The following FGGY variants were observed in gnomAD, a reference collection of about 807,000 sequenced individuals.
The protein encoded by FGGY is FGGY carbohydrate kinase domain-containing protein.
A neutral mutation model predicts 71.3 loss-of-function variants in FGGY; 72 were observed. That is an observed-to-expected ratio of 1.01 (90% CI 0.84 to 1.23). The LOEUF (loss-of-function observed/expected upper bound fraction) is 1.23, where lower values mean the gene tolerates loss of function less well. Ranked by LOEUF, FGGY falls within the 50% of genes most tolerant of loss-of-function variation. The probability of loss-of-function intolerance (pLI) is 0.00; values close to 1 mark genes in which losing one functional copy is unlikely to be tolerated. For synonymous variants in FGGY, 251 were observed against 250.3 expected, an observed-to-expected ratio of 1.00 and a Z score of -0.02; for missense variants, 668 against 682.3, an observed-to-expected ratio of 0.98 and a Z score of 0.23.
At chr1:59,327,509 A>G (rs2047659566) in intron 2 of FGGY, among the ~76,000 whole-genome samples, 1 of 152,110 alleles carries the variant, frequency 6.6e-6, no homozygotes, top group Non-Finnish European at 1.5e-5. Flanking sequence ...AACTTCCTCC[A>G]CTTAAGTCTT....
chr1:59,626,182 C>A, intron 10 of FGGY, 133 bp downstream of exon 10: 1 of 647,970 alleles, frequency 1.5e-6, no homozygotes, highest in Non-Finnish European at 2.7e-6. Flanking sequence ...AGATAGTCAC[C>A]TGGATGATCC....
At chr1:59,563,404 A>G (rs908198155) in intron 8 of FGGY, among the ~76,000 whole-genome samples, 22 of 152,168 alleles carry the variant, frequency 1.4e-4, no homozygotes, top group Non-Finnish European at 2.9e-4. Flanking sequence ...TACACCAATA[A>G]TAGAGAGTCA....
intron 7 of FGGY, among the ~76,000 whole-genome samples, chr1:59,522,334 G>A (rs1469165925): frequency 2.0e-5 from 3 of 152,202 alleles, no homozygotes; most frequent in African/African-American, 7.2e-5. Context: ...TTACACCAAT[G>A]CATATTTGTA....
At chr1:59,375,606 A>G (rs927017900) in intron 4 of FGGY, among the ~76,000 whole-genome samples, 2 of 152,210 alleles carry the variant, frequency 1.3e-5, no homozygotes, top group Non-Finnish European at 2.9e-5. Context: ...TTCAGAGGTT[A>G]TAGAGGGCTT....
At chr1:59,373,991 G>A (rs974686758) in intron 4 of FGGY, among the ~76,000 whole-genome samples, 2 of 152,170 alleles carry the variant, frequency 1.3e-5, no homozygotes, top group African/African-American at 4.8e-5. Context: ...ACATAGGCAT[G>A]GGCAAGGACT....
At chr1:59,333,443 A>G (rs2153181122) in intron 2 of FGGY, among the ~76,000 whole-genome samples, 1 of 152,360 alleles carries the variant, frequency 6.6e-6, no homozygotes, top group South Asian at 2.1e-4. Flanking sequence ...CTGAATTCTC[A>G]TATCATTGGG....
intron 4 of FGGY, among the ~76,000 whole-genome samples, chr1:59,350,365 A>G (rs897353902): frequency 3.3e-5 from 5 of 152,164 alleles, no homozygotes; most frequent in Admixed American, 2.0e-4. Flanking sequence ...CAAATGTACT[A>G]TGCACTGTGA....
At chr1:59,757,581 GC>G (rs1320864566) in intron 14 of FGGY, among the ~76,000 whole-genome samples, 2 of 152,164 alleles carry the variant, frequency 1.3e-5, no homozygotes, top group Non-Finnish European at 2.9e-5. Flanking sequence ...CCCTGCTTCT[GC>G]CCTGTGTCCA....
chr1:59,713,935 CAGAAT>C, intron 14 of FGGY, among the ~76,000 whole-genome samples: 1 of 152,190 alleles, frequency 6.6e-6, no homozygotes, highest in South Asian at 2.1e-4. Flanking sequence ...AGAAGCAACA[CAGAAT>C]AGAGGCATTA....
At chr1:59,640,046 A>G (rs1254140991) in intron 11 of FGGY, among the ~76,000 whole-genome samples, 1 of 152,234 alleles carries the variant, frequency 6.6e-6, no homozygotes, top group African/African-American at 2.4e-5. Context: ...AACTTCTTAC[A>G]TGGGGACATA....
intron 14 of FGGY, among the ~76,000 whole-genome samples, chr1:59,683,747 G>T (rs2097523853): frequency 6.6e-6 from 1 of 152,204 alleles, no homozygotes; most frequent in African/African-American, 2.4e-5. Flanking sequence ...CTAAGTAAAG[G>T]CATCTTCTTC....
chr1:59,346,472 A>G, intron 4 of FGGY, 74 bp downstream of exon 4: 1 of 1,520,176 alleles, frequency 6.6e-7, no homozygotes, highest in Non-Finnish European at 8.9e-7. Flanking sequence ...TGTAGGTACC[A>G]GGCACCCTGC....
intron 15 of FGGY, among the ~76,000 whole-genome samples, chr1:59,760,586 T>C (rs1442876578): frequency 6.6e-6 from 1 of 152,222 alleles, no homozygotes; most frequent in Non-Finnish European, 1.5e-5. Flanking sequence ...AAGAATGATA[T>C]GTGCATACAA....
At chr1:59,644,622 C>G (rs1280937986) in intron 11 of FGGY, among the ~76,000 whole-genome samples, 1 of 151,838 alleles carries the variant, frequency 6.6e-6, no homozygotes, top group African/African-American at 2.4e-5. Context: ...GACACGCCCC[C>G]CCCCACCCAA....
rs1422033978 is a variant in FGGY at position 59,565,290 on chromosome 1, CTTTTT to C, written c.903+11068_903+11072del. 3.3e-5 allele frequency among the ~76,000 whole-genome samples: 5 copies of C among 151,208 alleles called. No homozygotes were observed. The South Asian group carries it at 1.1e-3, about 32-fold the overall frequency. ...AGGCTGTCTAGCTAGTAAGTCCTTTCTTTTTTTTTAAGACAGAGTCTTGTCGCACT... is the reference window on the plus strand; with the variant it reads ...AGGCTGTCTAGCTAGTAAGTCCTTTCTTTTAAGACAGAGTCTTGTCGCACT... On this transcript the variant is annotated intron_variant, in intron 8 of 15. Coordinates refer to ENST00000303721, the MANE Select transcript of FGGY (RefSeq NM_018291.5).
chr1:59,457,579 A>C (rs2091838752), intron 6 of FGGY, among the ~76,000 whole-genome samples: 1 of 152,122 alleles, frequency 6.6e-6, no homozygotes, highest in South Asian at 2.1e-4. Flanking sequence ...GTGCCACTGC[A>C]TGCAGCTTGG....
chr1:59,733,977 GC>G (rs2098074872), intron 14 of FGGY, among the ~76,000 whole-genome samples: 1 of 152,178 alleles, frequency 6.6e-6, no homozygotes, highest in Non-Finnish European at 1.5e-5. Flanking sequence ...CCTCAGCAGA[GC>G]CTTTGGGTGA....
intron 8 of FGGY, among the ~76,000 whole-genome samples, chr1:59,589,462 A>C (rs1232343631): frequency 2.0e-5 from 3 of 152,142 alleles, no homozygotes; most frequent in East Asian, 3.8e-4. Flanking sequence ...AGAACTCTCC[A>C]CCCCAAATCA....
rs148081671 is a variant in FGGY at position 59,746,067 on chromosome 1, T to C, written c.1513-11864T>C. On this transcript the variant is annotated intron_variant, in intron 14 of 15. Transcript: ENST00000303721. ...ACATTGGATGGGTCTTATGAGCAGA[T>C]GCTGAAGTTGTCCAGGACAATGATA... is the stretch of plus-strand genomic sequence containing the variant. Among the ~76,000 whole-genome samples, 3 of 152,236 alleles carry C rather than the reference T, an allele frequency of 2.0e-5. No individual in the cohort carries two copies. The East Asian group carries it at 5.8e-4, about 29-fold the overall frequency.
Sources: allele counts gnomAD v4.1 joint callset (sites outside exome capture counted in the v4.1 genomes callset), GRCh38; gene constraint gnomAD v4.1.1; transcripts MANE v1.5; gene names NCBI Gene and HGNC (gene_info 2026-07-23, HGNC 2026-07-21).